KIAA0586: variants seen among roughly 807,000 people sequenced by gnomAD.
The protein encoded by KIAA0586 is KIAA0586, also known as protein TALPID3.
In KIAA0586, 144 loss-of-function variants were observed where a neutral mutation model predicts 169.8. The ratio of observed to expected loss-of-function variants is 0.85; its 90% CI spans 0.74 to 0.97. KIAA0586 has a LOEUF of 0.97. Ranked by LOEUF, KIAA0586 falls within the 50% of genes least tolerant of loss-of-function variation. KIAA0586 has a pLI of 0.00. For synonymous variants in KIAA0586, 625 were observed against 612.4 expected (o/e 1.02, Z -0.30); for missense variants, 1,854 against 1,823.0 (o/e 1.02, Z -0.31).
chr14:58,530,094 A>T (rs1035178317), intron 29 of KIAA0586, among the ~76,000 whole-genome samples: 1 of 152,228 alleles, frequency 6.6e-6, no homozygotes. Flanking sequence ...TCCCATTCAC[A>T]ACTGCTATAA....
intron 14 of KIAA0586, among the ~76,000 whole-genome samples, chr14:58,461,431 AT>A (rs201435700): frequency 4.7e-5 from 7 of 150,262 alleles, no homozygotes; most frequent in African/African-American, 9.8e-5. Context: ...GGAGAAAATG[AT>A]TTTTTTTTTA....
intron 28 of KIAA0586, among the ~76,000 whole-genome samples, chr14:58,509,944 C>T (rs1209042503): frequency 6.6e-6 from 1 of 152,150 alleles, no homozygotes; most frequent in Non-Finnish European, 1.5e-5. Flanking sequence ...TTATCAAAGA[C>T]TTCTGTTCAG....
chr14:58,439,344 G>A (rs1311921595), intron 4 of KIAA0586, among the ~76,000 whole-genome samples: 1 of 151,980 alleles, frequency 6.6e-6, no homozygotes, highest in East Asian at 1.9e-4. Context: ...CTGCCACCAC[G>A]CCCGGCTACT....
At chr14:58,552,883 A>G (rs2047223855), downstream of KIAA0586, among the ~76,000 whole-genome samples, 1 of 152,200 alleles carries the variant, frequency 6.6e-6, no homozygotes, top group African/African-American at 2.4e-5. Flanking sequence ...AAACTATTTG[A>G]GTTGGCATCT....
At chr14:58,525,030 TGACTGTTTCTAG>T (rs1326432719) in intron 29 of KIAA0586, among the ~76,000 whole-genome samples, 4 of 152,142 alleles carry the variant, frequency 2.6e-5, no homozygotes, top group Non-Finnish European at 4.4e-5. Context: ...TTTATTAGCA[TGACTGTTTCTAG>T]GAAATCTCTC....
At chr14:58,529,672 ACT>A (rs373157899) in intron 29 of KIAA0586, among the ~76,000 whole-genome samples, 76 of 151,974 alleles carry the variant, frequency 5.0e-4, no homozygotes, top group African/African-American at 1.8e-3. Context: ...CATGCTAGAA[ACT>A]CTCAATAAAC....
intron 21 of KIAA0586, among the ~76,000 whole-genome samples, chr14:58,485,900 C>T (rs2042404336): frequency 6.6e-6 from 1 of 152,052 alleles, no homozygotes; most frequent in Non-Finnish European, 1.5e-5. Flanking sequence ...CCTTTCTGTT[C>T]TATGCCTTTC....
At chr14:58,469,052 C>G (rs971893630) in intron 16 of KIAA0586, among the ~76,000 whole-genome samples, 18 of 152,328 alleles carry the variant, frequency 1.2e-4, no homozygotes, top group Admixed American at 8.5e-4. Context: ...TGACTGGACA[C>G]TCCTCCCTGA....
Position 58,432,179 on chromosome 14 carries a change from G to A in KIAA0586, c.341-209G>A, listed in dbSNP as rs142061100. Among the ~76,000 whole-genome samples the A allele has an allele frequency of 5.0e-4, 76 of 152,134 alleles. No individual in the cohort carries two copies. The East Asian group carries it at 0.013, about 26-fold the overall frequency. On this transcript the variant is annotated intron_variant, in intron 3 of 30. Coordinates refer to ENST00000652326, the MANE Select transcript of KIAA0586 (RefSeq NM_001329943.3). Reference sequence around the variant, plus strand: ...GGGGGAATGTGTTCAACTTTTGCCCGTTCAGTATGATGTTGGCTGTGGGTT... The same window carrying A: ...GGGGGAATGTGTTCAACTTTTGCCCATTCAGTATGATGTTGGCTGTGGGTT...
intron 24 of KIAA0586, 91 bp downstream of exon 24, chr14:58,488,965 T>C: frequency 1.2e-5 from 16 of 1,358,114 alleles, no homozygotes; most frequent in Non-Finnish European, 1.5e-5. Context: ...TTACTTAACT[T>C]TCAAGATTTA....
upstream of KIAA0586, chr14:58,427,594 G>C: frequency 2.0e-6 from 3 of 1,535,660 alleles, no homozygotes; most frequent in Non-Finnish European, 1.7e-6. Flanking sequence ...GAGAGGAATG[G>C]AAGAGCACCA....
intron 3 of KIAA0586, among the ~76,000 whole-genome samples, chr14:58,431,885 T>G (rs2037402891): frequency 6.6e-6 from 1 of 152,328 alleles, no homozygotes; most frequent in Admixed American, 6.5e-5. Context: ...ATGTTATTAG[T>G]GTATAGAAAC....
chr14:58,489,688 C>T (rs2042710604), intron 24 of KIAA0586, among the ~76,000 whole-genome samples: 1 of 152,144 alleles, frequency 6.6e-6, no homozygotes, highest in African/African-American at 2.4e-5. Flanking sequence ...TCTCTAATTA[C>T]CATCCTTTCA....
chr14:58,434,902 G>A (rs1462748392), intron 4 of KIAA0586, among the ~76,000 whole-genome samples: 6 of 146,792 alleles, frequency 4.1e-5, no homozygotes, highest in African/African-American at 1.0e-4. Context: ...CCCCCTAACC[G>A]CCCCCCCGCC....
chr14:58,486,972 T>C, intron 21 of KIAA0586, 35 bp from the exon 22 acceptor site: 1 of 1,518,712 alleles, frequency 6.6e-7, no homozygotes, highest in Non-Finnish European at 9.0e-7. Flanking sequence ...TTTGGGTGAT[T>C]ATAAACACAG....
chr14:58,467,883 G>A lies in KIAA0586; in HGVS notation c.2403G>A (p.Met801Ile), dbSNP rs1595231045. The A allele has an allele frequency of 6.2e-7, 1 of 1,612,790 alleles. No homozygotes were observed. The highest frequency in any genetic ancestry group is 1.3e-5 in the African/African-American group (1 of 74,880). The change falls in exon 16 of 31, where the codon ATG becomes ATA. Residue 801 changes from methionine (M) to isoleucine (I), a missense_variant. Met to Ile is a conservative substitution (Grantham distance 10, BLOSUM62 1). Transcript: ENST00000652326. ...VKKPNIAIVE[M>I]KSEKKDPPQL... The stretch of plus-strand genomic sequence containing the variant: ...AACCTAACATAGCCATTGTAGAAAT[G>A]AAGTCAGAAAAAAAGGATCCTCCTC...
intron 4 of KIAA0586, among the ~76,000 whole-genome samples, chr14:58,435,820 C>T (rs2037776181): frequency 1.3e-5 from 2 of 152,070 alleles, no homozygotes; most frequent in Admixed American, 6.6e-5. Context: ...TGATTCTCCT[C>T]CCTCAGCCTC....
Position 58,442,643 on chromosome 14 carries a change from G to A in KIAA0586, c.411-63G>A. 7.6e-6 allele frequency: 9 copies of A among 1,187,748 alleles called. No homozygotes were observed. The South Asian group carries it at 1.3e-4, about 17-fold the overall frequency. 73.6% of individuals were successfully genotyped at this position (1,187,748 alleles called of 1,614,324 possible). On this transcript the variant is annotated intron_variant, in intron 4 of 30. Coordinates refer to ENST00000652326, the MANE Select transcript of KIAA0586 (RefSeq NM_001329943.3). The stretch of plus-strand genomic sequence containing the variant: ...CCTTCGGCAGATTACCATTTGTTAA[G>A]TATTTCTTGAAATGTTTCAATGTAG...
rs368352741 is a variant in KIAA0586, at chr14:58,432,410, G to T, written c.363G>T (p.Gln121His). ...CAGCAAATGACATCTTCATTTCTCAGTATACAATGGGACAGAAAGATGCTC... is the reference window on the plus strand; with the variant it reads ...CAGCAAATGACATCTTCATTTCTCATTATACAATGGGACAGAAAGATGCTC... ...KQKANDIFIS[Q>H]YTMGQKDALR... Residue 121 changes from glutamine (Q) to histidine (H), a missense_variant, in exon 4 of 31, where the codon CAG becomes CAT. By Grantham distance (24) the Gln-to-His change is conservative. Coordinates refer to ENST00000652326, the MANE Select transcript of KIAA0586 (RefSeq NM_001329943.3). The T allele has an allele frequency of 3.2e-6, 5 of 1,563,802 alleles. No individual in the cohort carries two copies. The African/African-American group carries it at 6.9e-5, about 22-fold the overall frequency.
Sources: gnomAD v4.1 joint callset for allele counts (sites outside exome capture counted in the v4.1 genomes callset) on GRCh38, gnomAD v4.1.1 for gene constraint, MANE v1.5 for transcripts, NCBI Gene and HGNC (gene_info 2026-07-23, HGNC 2026-07-21) for gene names.